The following SNAPC3 variants were observed in gnomAD, a reference collection of about 807,000 sequenced individuals.
SNAPC3 encodes the protein small nuclear RNA activating complex polypeptide 3.
Under a neutral mutation model 47.7 loss-of-function variants are expected in SNAPC3, and 56 were observed. That is an observed-to-expected ratio of 1.18 (90% CI 0.95 to 1.47). The LOEUF is 1.47. Among genes scored for constraint, SNAPC3 ranks in the 40% most tolerant of loss-of-function variants. The pLI is 0.00. For missense variants in SNAPC3, 665 were observed against 511.3 expected (o/e 1.30, Z -2.90); for synonymous variants, 235 against 189.9 (o/e 1.24, Z -1.95).
Position 15,423,940 on chromosome 9 carries a change from G to A in SNAPC3, c.346G>A (p.Glu116Lys). The A allele has an allele frequency of 1.3e-6, 2 of 1,589,208 alleles. No individual in the cohort carries two copies. The highest frequency in any genetic ancestry group is 1.7e-6 in the Non-Finnish European group (2 of 1,168,990). The change falls in exon 2 of 9, where the codon GAG becomes AAG. Residue 116 changes from glutamate (E) to lysine (K), a missense_variant. By Grantham distance (56) the Glu-to-Lys change is moderately conservative. Transcript: ENST00000380821. ...TAAACTGAAATGCCTTGAGGACGGT[G>A]AGGATCCAGAAGTCATTCCGGAGAA... ...LDKLKCLEDG[E>K]DPEVIPENTD...
chr9:15,442,802 T>C (rs946157216), intron 3 of SNAPC3, among the ~76,000 whole-genome samples: 7 of 152,122 alleles, frequency 4.6e-5, no homozygotes, highest in Admixed American at 6.5e-5. Flanking sequence ...CTCGGCACTT[T>C]GGGAGGCCAA....
At chr9:15,445,210 C>T (rs1327802492) in intron 4 of SNAPC3, among the ~76,000 whole-genome samples, 1 of 152,200 alleles carries the variant, frequency 6.6e-6, no homozygotes, top group African/African-American at 2.4e-5. Flanking sequence ...TTCAAACAAT[C>T]TCTCGATCCA....
intron 3 of SNAPC3, among the ~76,000 whole-genome samples, chr9:15,440,151 T>C (rs2033194388): frequency 6.6e-6 from 1 of 152,204 alleles, no homozygotes; most frequent in Admixed American, 6.5e-5. Context: ...TAAGTATTGT[T>C]TAATCCATTT....
At chr9:15,447,510 CTTTTTTGTTTTTTTTTG>C (rs1190377513) in intron 5 of SNAPC3, among the ~76,000 whole-genome samples, 1 of 84,396 alleles carries the variant, frequency 1.2e-5, no homozygotes, top group Non-Finnish European at 3.2e-5. Context: ...ACCTAATTTT[CTTTTTTGTTTTTTTTTG>C]TTTTTTGTTT....
At chr9:15,424,827 C>G (rs932282956) in intron 2 of SNAPC3, among the ~76,000 whole-genome samples, 7 of 152,206 alleles carry the variant, frequency 4.6e-5, no homozygotes, top group African/African-American at 1.7e-4. Flanking sequence ...TTATCCCCCT[C>G]AAATATTCAG....
intron 5 of SNAPC3, among the ~76,000 whole-genome samples, chr9:15,448,064 A>C (rs2034081973): frequency 6.6e-6 from 1 of 152,182 alleles, no homozygotes; most frequent in African/African-American, 2.4e-5. Flanking sequence ...AGAGGGCCTC[A>C]GGTTTACAGG....
chr9:15,437,541 A>C (rs958561343), intron 3 of SNAPC3, among the ~76,000 whole-genome samples: 1 of 144,674 alleles, frequency 6.9e-6, no homozygotes, highest in African/African-American at 2.6e-5. Flanking sequence ...CCCTGTTCCT[A>C]TTTTCTTTAG....
intron 5 of SNAPC3, among the ~76,000 whole-genome samples, chr9:15,448,343 A>G (rs761065773): frequency 2.0e-5 from 3 of 152,094 alleles, no homozygotes; most frequent in Non-Finnish European, 4.4e-5. Context: ...TCATTCATCC[A>G]TAGTGAATTT....
intron 3 of SNAPC3, among the ~76,000 whole-genome samples, chr9:15,443,391 T>G (rs2033667080): frequency 6.6e-6 from 1 of 152,186 alleles, no homozygotes; most frequent in African/African-American, 2.4e-5. Flanking sequence ...TTTTTGTGAT[T>G]TATATGTTTT....
chr9:15,425,662 C>G (rs2031278925), intron 2 of SNAPC3, among the ~76,000 whole-genome samples: 2 of 152,228 alleles, frequency 1.3e-5, no homozygotes. Flanking sequence ...AAACTCCCAT[C>G]TGTGTATTGT....
Position 15,422,922 on chromosome 9 carries a change from G to A in SNAPC3, c.43G>A (p.Gly15Ser). 1 of 1,536,914 alleles carries A rather than the reference G, an allele frequency of 6.5e-7. No homozygotes were observed. The highest frequency in any genetic ancestry group is 1.2e-5 in the South Asian group (1 of 82,868). Reference sequence around the variant, plus strand: ...AGGTGGCCCTACGTGTAGCGGGGTGGGTGGCAGGCAGGACCCAGTCTCCGG... The same window carrying A: ...AGGTGGCCCTACGTGTAGCGGGGTGAGTGGCAGGCAGGACCCAGTCTCCGG... Reference protein sequence around the residue: ...SRGGPTCSGVGGRQDPVSGSG... With the variant: ...SRGGPTCSGVSGRQDPVSGSG... Residue 15 changes from glycine (G) to serine (S), a missense_variant, in exon 1 of 9, where the codon GGT becomes AGT. Gly to Ser is a moderately conservative substitution (Grantham distance 56, BLOSUM62 0). Transcript: ENST00000380821.
At chr9:15,431,403 G>A (rs771437390) in intron 2 of SNAPC3, among the ~76,000 whole-genome samples, 1 of 152,148 alleles carries the variant, frequency 6.6e-6, no homozygotes, top group Non-Finnish European at 1.5e-5. Flanking sequence ...CCCTTTTACT[G>A]CTTCCTTGCC....
intron 7 of SNAPC3, among the ~76,000 whole-genome samples, chr9:15,457,532 C>T (rs1208080676): frequency 1.3e-5 from 2 of 152,056 alleles, no homozygotes; most frequent in Non-Finnish European, 2.9e-5. Context: ...GAGTTTGAGG[C>T]TACAGTAAGC....
At chr9:15,448,163 C>T (rs1451995196) in intron 5 of SNAPC3, among the ~76,000 whole-genome samples, 1 of 152,022 alleles carries the variant, frequency 6.6e-6, no homozygotes. Context: ...GGACAAGAAC[C>T]AACACAATCT....
chr9:15,455,988 C>CCTCA (rs57835413), intron 7 of SNAPC3, among the ~76,000 whole-genome samples: 5,859 of 152,258 alleles, frequency 0.038, 346 homozygotes, highest in African/African-American at 0.13. Context: ...AATTCTTCTG[C>CCTCA]CTCAGCCTCC....
At chr9:15,451,675 G>T (rs1198543554) in intron 6 of SNAPC3, among the ~76,000 whole-genome samples, 2 of 151,906 alleles carry the variant, frequency 1.3e-5, no homozygotes, top group Non-Finnish European at 2.9e-5. Flanking sequence ...CTGCTTTCCA[G>T]CCTGGGTAAT....
chr9:15,431,567 A>G (rs1232358621), intron 2 of SNAPC3, among the ~76,000 whole-genome samples: 1 of 152,148 alleles, frequency 6.6e-6, no homozygotes, highest in Admixed American at 6.5e-5. Flanking sequence ...AGGAAATGGA[A>G]AGGACAAACC....
intron 2 of SNAPC3, among the ~76,000 whole-genome samples, chr9:15,431,722 C>T (rs1019299817): frequency 6.6e-6 from 1 of 152,018 alleles, no homozygotes; most frequent in African/African-American, 2.4e-5. Flanking sequence ...ATTTTTCACA[C>T]ACCCCAAATG....
At chr9:15,445,659 A>G (rs1206686656) in intron 4 of SNAPC3, among the ~76,000 whole-genome samples, 1 of 152,096 alleles carries the variant, frequency 6.6e-6, no homozygotes, top group Non-Finnish European at 1.5e-5. Flanking sequence ...TAAGATCTCA[A>G]ATTGCTGGCT....
Sources: gnomAD v4.1 joint callset for allele counts (sites outside exome capture counted in the v4.1 genomes callset) on GRCh38, gnomAD v4.1.1 for gene constraint, MANE v1.5 for transcripts, NCBI Gene and HGNC (gene_info 2026-07-23, HGNC 2026-07-21) for gene names.